The following GORASP1 variants were observed in gnomAD, a reference collection of about 807,000 sequenced individuals.
GORASP1 encodes Golgi reassembly-stacking protein 1.
GORASP1 carries 31 observed loss-of-function variants against 37.7 expected under a neutral mutation model. The observed-to-expected ratio is 0.82, with a 90% CI of 0.62 to 1.11. The LOEUF (loss-of-function observed/expected upper bound fraction) is 1.11, where lower values mean the gene tolerates loss of function less well. Ranked by LOEUF, GORASP1 falls within the 50% of genes least tolerant of loss-of-function variation. The probability of loss-of-function intolerance (pLI) is 0.00; values close to 1 mark genes in which losing one functional copy is unlikely to be tolerated. For missense variants in GORASP1, 476 were observed against 560.7 expected, an observed-to-expected ratio of 0.85 and a Z score of 1.53; for synonymous variants, 204 against 224.8, an observed-to-expected ratio of 0.91 and a Z score of 0.83.
At position 39,100,866 on chromosome 3, in the gene GORASP1, G is replaced by A; in HGVS notation, c.447C>T (p.Phe149=). 1 of 1,614,194 alleles carries A rather than the reference G, an allele frequency of 6.2e-7. No individual in the cohort carries two copies. Among genetic ancestry groups the A allele is most frequent in the Non-Finnish European group, 8.5e-7 (1 of 1,180,014 alleles). Residue 149 remains phenylalanine, a synonymous_variant, in exon 5 of 9, where the codon TTC becomes TTT. Transcript: ENST00000319283. This position sits in a 1 kb window ranked among gnomAD's most constrained non-coding sequence, Gnocchi z 4.6. The part of the protein sequence containing the change: ...SDQILQESED[F]FTLIESHEGK... ...CCTCATGAGACTCGATGAGCGTAAAGAAGTCCTCGGACTGTGAGAAACGCA... is the reference window on the plus strand; with the variant it reads ...CCTCATGAGACTCGATGAGCGTAAAAAAGTCCTCGGACTGTGAGAAACGCA...
chr3:39,100,912 C>T lies in GORASP1; in HGVS notation c.436-35G>A. The T allele has an allele frequency of 6.2e-7, 1 of 1,614,092 alleles. No homozygotes were observed. The highest frequency in any genetic ancestry group is 1.1e-5 in the South Asian group (1 of 91,086). ...ACGCATAGCACCTGAGGCCTGCTTC[C>T]AGGGCTAAAGCCTCAACAAAACCAG... is the stretch of plus-strand genomic sequence containing the variant. On this transcript the variant is annotated intron_variant, in intron 4 of 8. Transcript: ENST00000319283. This position sits in a 1 kb window ranked among gnomAD's most constrained non-coding sequence, Gnocchi z 4.6.
rs758937400 is a variant in GORASP1 at position 39,098,269 on chromosome 3, C to G, written c.1290G>C (p.Leu430=). The G allele has an allele frequency of 1.2e-6, 2 of 1,614,044 alleles. No homozygotes were observed. Among genetic ancestry groups the G allele is most frequent in the Non-Finnish European group, 8.5e-7 (1 of 1,180,042 alleles). The change falls in exon 9 of 9, where the codon CTG becomes CTC. Residue 430 remains leucine (L), a synonymous_variant. Coordinates refer to ENST00000319283, the MANE Select transcript of GORASP1 (RefSeq NM_031899.4). The surrounding 1 kb of genome is among the most constrained non-coding windows in gnomAD (Gnocchi z 4.7). ...TGGTAGAGATCTGGGCCTGGCTGTC[C>G]AGCCCCTCAGCCTCCGTCCCAGTAT... ...GLDTGTEAEG[L]DSQAQISTTE is the part of the protein sequence containing the mutation.
chr3:39,098,949 A>C lies in GORASP1; in HGVS notation c.917-56T>G. ...CAAGAAACCCTGACTGCTGGAAAGCAGCACCCTGGGCTCACCTTGCCTAGG... is the reference window on the plus strand; with the variant it reads ...CAAGAAACCCTGACTGCTGGAAAGCCGCACCCTGGGCTCACCTTGCCTAGG... On this transcript the variant is annotated intron_variant, in intron 7 of 8. Coordinates refer to ENST00000319283, the MANE Select transcript of GORASP1 (RefSeq NM_031899.4). The surrounding 1 kb of genome is among the most constrained non-coding windows in gnomAD (Gnocchi z 4.7). 16 of 1,604,302 alleles carry C rather than the reference A, an allele frequency of 1.0e-5. No homozygotes were observed. In the South Asian group the frequency reaches 1.8e-4, roughly 18 times the overall value.
At chr3:39,104,182 A>C (rs2035895951) in intron 1 of GORASP1, among the ~76,000 whole-genome samples, 2 of 152,172 alleles carry the variant, frequency 1.3e-5, no homozygotes. Context: ...GGCAGTGCCA[A>C]TCCCCACAGC....
chr3:39,098,593 A>G lies in GORASP1; in HGVS notation c.1070-104T>C. On this transcript the variant is annotated intron_variant, in intron 8 of 8. Transcript: ENST00000319283. This position sits in a 1 kb window ranked among gnomAD's most constrained non-coding sequence, Gnocchi z 4.7. ...GCTCCCCATTGCCACTCCAGGTTTG[A>G]TGGGGGATTGGAGATGGAGTGTACA... The G allele has an allele frequency of 6.6e-7, 1 of 1,509,488 alleles. No homozygotes were observed. The highest frequency in any genetic ancestry group is 8.9e-7 in the Non-Finnish European group (1 of 1,117,686). 93.5% of individuals were successfully genotyped at this position (1,509,488 alleles called of 1,614,324 possible). A position where few individuals can be genotyped will look rare whatever the true frequency, so the allele number is the denominator to read the frequency against.
intron 1 of GORASP1, chr3:39,107,194 G>A (rs777109776): frequency 1.9e-6 from 1 of 533,554 alleles, no homozygotes; most frequent in Non-Finnish European, 3.6e-6. Flanking sequence ...CGGGAGGAGC[G>A]CCATTCCCGG....
rs141266180 is a variant in GORASP1 at position 39,107,403 on chromosome 3, C to T, written c.63+76G>A. On this transcript the variant is annotated intron_variant, in intron 1 of 8. Coordinates refer to ENST00000319283, the MANE Select transcript of GORASP1 (RefSeq NM_031899.4). The stretch of plus-strand genomic sequence containing the variant: ...CCGGGACCCCGCCGCAGTCGCCAGC[C>T]AGCCGGCGACCGGACGCCCGGGCGC... The T allele has an allele frequency of 1.9e-3, 1,892 of 995,168 alleles. 26 individuals are homozygous for T. The African/African-American group carries it at 0.029, about 15-fold the overall frequency. 61.6% of individuals were successfully genotyped at this position (995,168 alleles called of 1,614,324 possible). A position where few individuals can be genotyped will look rare whatever the true frequency, so the allele number is the denominator to read the frequency against.
rs1471960391 is a variant in GORASP1, at chr3:39,098,411, A to G, written c.1148T>C (p.Leu383Pro). 6.2e-7 allele frequency: 1 copy of G among 1,614,124 alleles called. No individual in the cohort carries two copies. Among genetic ancestry groups the G allele is most frequent in the East Asian group, 2.2e-5 (1 of 44,880 alleles). The stretch of plus-strand genomic sequence containing the variant: ...ACTGTCAGGAAGAGTCAGCTGAGGC[A>G]GGTGGTCCGCCTGGGCTTGGGCACC... ...SPGAQAQADH[L>P]PQLTLPDSLT... Residue 383 changes from leucine (L) to proline (P), a missense_variant, in exon 9 of 9, where the codon CTG becomes CCG. Transcript: ENST00000319283. The surrounding 1 kb of genome is among the most constrained non-coding windows in gnomAD (Gnocchi z 4.7).
Position 39,102,899 on chromosome 3 carries a change from C to T in GORASP1, c.145-18G>A. 1 of 1,611,440 alleles carries T rather than the reference C, an allele frequency of 6.2e-7. No homozygotes were observed. The highest frequency in any genetic ancestry group is 8.5e-7 in the Non-Finnish European group (1 of 1,177,500). Reference sequence around the variant, plus strand: ...TCCTTGTTCTGTGGGGGCAATGGGGCTGACTCCAAGGCCACCTCATGCCCA... The same window carrying T: ...TCCTTGTTCTGTGGGGGCAATGGGGTTGACTCCAAGGCCACCTCATGCCCA... On this transcript the variant is annotated intron_variant, in intron 2 of 8. Coordinates refer to ENST00000319283, the MANE Select transcript of GORASP1 (RefSeq NM_031899.4). The surrounding 1 kb of genome is among the most constrained non-coding windows in gnomAD (Gnocchi z 5.0).
In GORASP1 at chr3:39,107,590, G is replaced by C. The variant is rs773702897; in HGVS notation, c.-49C>G. ...AGGTCCAGTCCCGCTGCGCCTACCC[G>C]GACCGACCCGACGCCAGTAGCACCG... On this transcript the variant is annotated 5_prime_UTR_variant, in exon 1 of 9. Coordinates refer to ENST00000319283, the MANE Select transcript of GORASP1 (RefSeq NM_031899.4). 2 of 1,456,758 alleles carry C rather than the reference G, an allele frequency of 1.4e-6. No individual in the cohort carries two copies. The highest frequency in any genetic ancestry group is 2.6e-5 in the Admixed American group (1 of 38,336). 90.2% of individuals were successfully genotyped at this position (1,456,758 alleles called of 1,614,324 possible).
chr3:39,101,135 T>C, intron 3 of GORASP1, 33 bp from the exon 4 acceptor site: 1 of 1,601,380 alleles, frequency 6.2e-7, no homozygotes, highest in Non-Finnish European at 8.6e-7. Flanking sequence ...CTGGCCATGC[T>C]ACTAGAGGTG....
chr3:39,102,932 A>T lies in GORASP1; in HGVS notation c.145-51T>A, dbSNP rs755266855. On this transcript the variant is annotated intron_variant, in intron 2 of 8. Transcript: ENST00000319283. The surrounding 1 kb of genome is among the most constrained non-coding windows in gnomAD (Gnocchi z 5.0). Reference sequence around the variant, plus strand: ...AAGGCCACCTCATGCCCAGGCTAGGACCCTCAGACAAGTCTGGGCCTGAGA... The same window carrying T: ...AAGGCCACCTCATGCCCAGGCTAGGTCCCTCAGACAAGTCTGGGCCTGAGA... 1 of 1,551,970 alleles carries T rather than the reference A, an allele frequency of 6.4e-7. No individual in the cohort carries two copies. Among genetic ancestry groups the T allele is most frequent in the Non-Finnish European group, 8.9e-7 (1 of 1,123,440 alleles).
chr3:39,103,423 C>A lies in GORASP1; in HGVS notation c.144+50G>T. ...GGGCCCCCTGTGGGACAGATGAAGA[C>A]ACACAAACACACATAAGCAAGCAAA... On this transcript the variant is annotated intron_variant, in intron 2 of 8. Coordinates refer to ENST00000319283, the MANE Select transcript of GORASP1 (RefSeq NM_031899.4). This position sits in a 1 kb window ranked among gnomAD's most constrained non-coding sequence, Gnocchi z 5.2. 6.7e-7 allele frequency: 1 copy of A among 1,488,626 alleles called. No homozygotes were observed. The highest frequency in any genetic ancestry group is 9.2e-7 in the Non-Finnish European group (1 of 1,082,594). 92.2% of individuals were successfully genotyped at this position (1,488,626 alleles called of 1,614,324 possible).
rs1340482014 is a variant in GORASP1 at position 39,099,133 on chromosome 3, G to C, written c.916+220C>G. 3.9e-6 allele frequency: 3 copies of C among 778,194 alleles called. No homozygotes were observed. In the African/African-American group the frequency reaches 5.1e-5, roughly 13 times the overall value. The allele number at this position is 778,194 out of a possible 1,614,324, so 48.2% of individuals were successfully genotyped here. A position where few individuals can be genotyped will look rare whatever the true frequency, so the allele number is the denominator to read the frequency against. ...CACAGTGGCAGTAGGCATAGACTCTGCTCTGTGTCCAATTTGCTGTGTGAC... is the reference window on the plus strand; with the variant it reads ...CACAGTGGCAGTAGGCATAGACTCTCCTCTGTGTCCAATTTGCTGTGTGAC... On this transcript the variant is annotated intron_variant, in intron 7 of 8. Coordinates refer to ENST00000319283, the MANE Select transcript of GORASP1 (RefSeq NM_031899.4).
chr3:39,107,569 C>T lies in GORASP1; in HGVS notation c.-28G>A. On this transcript the variant is annotated 5_prime_UTR_variant, in exon 1 of 9. Transcript: ENST00000319283. Reference sequence around the variant, plus strand: ...CAGCGGCTCCGCTCGGCACCCAGGTCCAGTCCCGCTGCGCCTACCCGGACC... The same window carrying T: ...CAGCGGCTCCGCTCGGCACCCAGGTTCAGTCCCGCTGCGCCTACCCGGACC... 2.0e-6 allele frequency: 3 copies of T among 1,489,210 alleles called. No homozygotes were observed. The highest frequency in any genetic ancestry group is 2.5e-5 in the Admixed American group (1 of 39,514). 92.2% of individuals were successfully genotyped at this position (1,489,210 alleles called of 1,614,324 possible). A position where few individuals can be genotyped will look rare whatever the true frequency, so the allele number is the denominator to read the frequency against.
At chr3:39,104,455 C>G (rs17038467) in intron 1 of GORASP1, among the ~76,000 whole-genome samples, 5,347 of 152,276 alleles carry the variant, frequency 0.035, 193 homozygotes, top group East Asian at 0.16. Flanking sequence ...AGGCCCTAGA[C>G]CCGAAGATGG....
In GORASP1 at chr3:39,098,982, G is replaced by A; in HGVS notation, c.917-89C>T. The A allele has an allele frequency of 6.5e-7, 1 of 1,527,430 alleles. No individual in the cohort carries two copies. The highest frequency in any genetic ancestry group is 1.4e-5 in the African/African-American group (1 of 73,260). The allele number at this position is 1,527,430 out of a possible 1,614,324, so 94.6% of individuals were successfully genotyped here. On this transcript the variant is annotated intron_variant, in intron 7 of 8. Coordinates refer to ENST00000319283, the MANE Select transcript of GORASP1 (RefSeq NM_031899.4). This position sits in a 1 kb window ranked among gnomAD's most constrained non-coding sequence, Gnocchi z 4.7. ...GGGCTCACCTTGCCTAGGGCATCTG[G>A]CCCAGCCTGTGAGACTGTAATCTCC... is the stretch of plus-strand genomic sequence containing the variant.
Position 39,098,440 on chromosome 3 carries a change from G to A in GORASP1, c.1119C>T (p.Ser373=). 1 of 1,614,174 alleles carries A rather than the reference G, an allele frequency of 6.2e-7. No individual in the cohort carries two copies. The change falls in exon 9 of 9, where the codon AGC becomes AGT. Residue 373 remains serine, a synonymous_variant. Coordinates refer to ENST00000319283, the MANE Select transcript of GORASP1 (RefSeq NM_031899.4). This position sits in a 1 kb window ranked among gnomAD's most constrained non-coding sequence, Gnocchi z 4.7. Reference sequence around the variant, plus strand: ...GGTCCGCCTGGGCTTGGGCACCTGGGCTGTCCAGGAAGGAGACCTCAAACT... The same window carrying A: ...GGTCCGCCTGGGCTTGGGCACCTGGACTGTCCAGGAAGGAGACCTCAAACT... ...GSEFEVSFLD[S]PGAQAQADHL...
intron 3 of GORASP1, chr3:39,101,623 C>A: frequency 2.2e-6 from 1 of 452,892 alleles, no homozygotes; most frequent in Admixed American, 2.4e-5. Flanking sequence ...ATAAGGATTC[C>A]CTTCTCCCTT....
Sources: gnomAD v4.1 joint callset for allele counts (sites outside exome capture counted in the v4.1 genomes callset) on GRCh38, gnomAD v4.1.1 for gene constraint, Gnocchi (gnomAD v3.1) non-coding constraint, MANE v1.5 for transcripts, NCBI Gene and HGNC (gene_info 2026-07-23, HGNC 2026-07-21) for gene names.